RPGR: variants seen among roughly 807,000 people sequenced by gnomAD.
RPGR encodes the protein X-linked retinitis pigmentosa GTPase regulator.
In RPGR, 10 loss-of-function variants were observed where a neutral mutation model predicts 56.3. That is an observed-to-expected ratio of 0.18 (90% CI 0.11 to 0.30). The LOEUF (loss-of-function observed/expected upper bound fraction) is 0.30. Ranked by LOEUF, RPGR falls within the 10% of genes least tolerant of loss-of-function variation. The probability of loss-of-function intolerance (pLI) is 1.00; values close to 1 mark genes in which losing one functional copy is unlikely to be tolerated. For synonymous variants in RPGR, 197 were observed against 212.9 expected (o/e 0.93, Z 0.65); for missense variants, 538 against 590.9 (o/e 0.91, Z 0.93).
rs151237955 is a variant in RPGR at position 38,294,199 on chromosome X, G to A, written c.1415-2715C>T. Among the ~76,000 whole-genome samples, 3 of 110,989 alleles carry A rather than the reference G, an allele frequency of 2.7e-5. No homozygotes were observed. The East Asian group carries it at 8.5e-4, about 31-fold the overall frequency. The stretch of plus-strand genomic sequence containing the variant: ...TCTTTGAGCGGTACTTTGCATTCAC[G>A]ACACTACGCTGCCCTAATTTCCCAC... On this transcript the variant is annotated intron_variant, in intron 11 of 18. Coordinates refer to ENST00000642395, the MANE Select transcript of RPGR (RefSeq NM_000328.3).
intron 6 of RPGR, among the ~76,000 whole-genome samples, chrX:38,316,505 T>C (rs953423531): frequency 1.8e-5 from 2 of 112,148 alleles, no homozygotes; most frequent in African/African-American, 6.5e-5. Flanking sequence ...TTTTGTTTCA[T>C]GAACAAAGCG....
rs2067876912 is a variant in RPGR, at chrX:38,318,906, T to C, written c.392A>G (p.His131Arg). 1 of 1,210,441 alleles carries C rather than the reference T, an allele frequency of 8.3e-7. No homozygotes were observed. Among genetic ancestry groups the C allele is most frequent in the Admixed American group, 2.2e-5 (1 of 45,808 alleles). ...CTCGGATGTAAAAAAGCTAATTACA[T>C]GAAAAGTGTTTCTTTCTTCGGTGTC... Residue 131 changes from histidine to arginine, a missense_variant, in exon 5 of 19, where the codon CAT becomes CGT. Coordinates refer to ENST00000642395, the MANE Select transcript of RPGR (RefSeq NM_000328.3).
In RPGR at chrX:38,269,845, CCA is replaced by C; in HGVS notation, c.2242-15_2242-14del. 1 of 1,102,713 alleles carries C rather than the reference CCA, an allele frequency of 9.1e-7. No individual in the cohort carries two copies. The highest frequency in any genetic ancestry group is 1.2e-6 in the Non-Finnish European group (1 of 800,531). The allele number at this position is 1,102,713 out of a possible 1,213,427, so 90.9% of individuals were successfully genotyped here. On this transcript the variant is annotated splice_polypyrimidine_tract_variant and intron_variant, in intron 18 of 18. Coordinates refer to ENST00000642395, the MANE Select transcript of RPGR (RefSeq NM_000328.3). ...TGAACAGAAAAATCTAGGAAAAAAA[CCA>C]CACACACAAATATTCATTTCCATAA...
rs1044418804 is a variant in RPGR, at chrX:38,291,007, C to T, written c.1524G>A (p.Leu508=). 2 of 1,048,709 alleles carry T rather than the reference C, an allele frequency of 1.9e-6. No individual in the cohort carries two copies. Among genetic ancestry groups the T allele is most frequent in the Non-Finnish European group, 2.6e-6 (2 of 773,030 alleles). 86.4% of individuals were successfully genotyped at this position (1,048,709 alleles called of 1,213,427 possible). ...ATTTTAATGACTTTTCATTGGAATT[C>T]AGGCTCATGATGTGTGTCTGAAATA... Residue 508 remains leucine, a synonymous_variant, in exon 13 of 19, where the codon CTG becomes CTA. Coordinates refer to ENST00000642395, the MANE Select transcript of RPGR (RefSeq NM_000328.3).
chrX:38,279,138 G>A (rs903326440), intron 15 of RPGR: 5 of 328,680 alleles, frequency 1.5e-5, no homozygotes, highest in Admixed American at 9.4e-5. Flanking sequence ...ACATCTGGAC[G>A]ACTACTTGAA....
chrX:38,277,360 A>G (rs2066954027), intron 15 of RPGR, among the ~76,000 whole-genome samples: 1 of 111,980 alleles, frequency 8.9e-6, no homozygotes, highest in Non-Finnish European at 1.9e-5. Context: ...CAGCTAATCC[A>G]AACGATAAAA....
At chrX:38,285,063 CCATT>C (rs1477724546) in intron 15 of RPGR, 44 of 724,001 alleles carry the variant, frequency 6.1e-5, no homozygotes, top group Non-Finnish European at 6.5e-5. Context: ...AGAATACCAT[CCATT>C]ATTAGAAAAT....
At position 38,298,385 on chromosome X, in the gene RPGR, A is replaced by G. The variant is rs1389884501; in HGVS notation, c.1245+571T>C. On this transcript the variant is annotated intron_variant, in intron 10 of 18. Coordinates refer to ENST00000642395, the MANE Select transcript of RPGR (RefSeq NM_000328.3). ...TTTCCTCTCTCTAATTGAAGTCCTT[A>G]TTCCTTTGTTTTCCCATTTCATTGT... 5 of 320,652 alleles carry G rather than the reference A, an allele frequency of 1.6e-5. No individual in the cohort carries two copies. The Admixed American group carries it at 1.7e-4, about 11-fold the overall frequency. 26.4% of individuals were successfully genotyped at this position (320,652 alleles called of 1,213,427 possible). A position where few individuals can be genotyped will look rare whatever the true frequency, so the allele number is the denominator to read the frequency against.
At position 38,270,884 on chromosome X, in the gene RPGR, C is replaced by G. The variant is rs751492590; in HGVS notation, c.2242-1052G>C. 9.7e-4 allele frequency among the ~76,000 whole-genome samples: 108 copies of G among 110,826 alleles called. 2 individuals carry two copies. The highest frequency in any genetic ancestry group is 1.2e-3 in the Non-Finnish European group (64 of 52,936). ...CAGAAGAGGAGCTAGAACTGAGGAC[C>G]AAGGTTTGTAGGTGCAAAATTGGGA... On this transcript the variant is annotated intron_variant, in intron 18 of 18. Transcript: ENST00000642395.
At chrX:38,279,880 C>T (rs2147176899) in intron 15 of RPGR, among the ~76,000 whole-genome samples, 1 of 110,139 alleles carries the variant, frequency 9.1e-6, no homozygotes, top group Non-Finnish European at 1.9e-5. Context: ...TAAGTTATAT[C>T]AGGTAGAAAA....
intron 15 of RPGR, chrX:38,284,812 A>G (rs55711031): frequency 0.21 from 157,887 of 745,726 alleles, 12,568 homozygotes; most frequent in Middle Eastern, 0.29. Context: ...CTGAGGCCCA[A>G]TGAGTACCTT....
intron 7 of RPGR, among the ~76,000 whole-genome samples, chrX:38,308,670 A>T (rs1413220365): frequency 2.7e-5 from 3 of 112,081 alleles, no homozygotes; most frequent in Non-Finnish European, 5.6e-5. Context: ...GTAAAAATTA[A>T]TTTCAAAGTT....
At chrX:38,308,965 C>T (rs1296538075) in intron 7 of RPGR, among the ~76,000 whole-genome samples, 1 of 111,803 alleles carries the variant, frequency 8.9e-6, no homozygotes, top group Admixed American at 9.5e-5. Flanking sequence ...GGATATTATT[C>T]AAAATTTGTC....
intron 17 of RPGR, chrX:38,273,743 A>C (rs4827345): frequency 8.7e-6 from 2 of 229,822 alleles, no homozygotes; most frequent in African/African-American, 2.8e-5. Flanking sequence ...GTTAGAGAAG[A>C]CTTCTGTAAA....
intron 17 of RPGR, among the ~76,000 whole-genome samples, chrX:38,274,769 C>T (rs1050971915): frequency 4.5e-5 from 5 of 111,787 alleles, no homozygotes; most frequent in East Asian, 2.8e-4. Context: ...GAGCTGAGAT[C>T]GTGCCATTGC....
At chrX:38,326,247 C>T (rs1156326234) in intron 1 of RPGR, among the ~76,000 whole-genome samples, 1 of 112,192 alleles carries the variant, frequency 8.9e-6, no homozygotes, top group African/African-American at 3.2e-5. Context: ...ATTTTGTTTA[C>T]TTTCCTGTAT....
At chrX:38,302,246 G>C (rs1206834903) in intron 8 of RPGR, among the ~76,000 whole-genome samples, 1 of 111,232 alleles carries the variant, frequency 9.0e-6, no homozygotes, top group Non-Finnish European at 1.9e-5. Flanking sequence ...AGAAGTAAGG[G>C]GTGTTAATAT....
intron 6 of RPGR, among the ~76,000 whole-genome samples, chrX:38,316,038 CT>C (rs1173370117): frequency 9.0e-6 from 1 of 110,660 alleles, no homozygotes; most frequent in African/African-American, 3.3e-5. Flanking sequence ...AGTAAAACCC[CT>C]TATACTTGAG....
intron 15 of RPGR, among the ~76,000 whole-genome samples, chrX:38,283,738 G>A (rs1485163037): frequency 8.9e-6 from 1 of 111,756 alleles, no homozygotes; most frequent in Non-Finnish European, 1.9e-5. Flanking sequence ...CTGTATTACT[G>A]GCTGATTATC....
Sources: allele counts gnomAD v4.1 joint callset (sites outside exome capture counted in the v4.1 genomes callset), GRCh38; gene constraint gnomAD v4.1.1; transcripts MANE v1.5; gene names NCBI Gene and HGNC (gene_info 2026-07-23, HGNC 2026-07-21).